Variants in TRIP12 observed in about 807,000 individuals in gnomAD.
The protein encoded by TRIP12 is thyroid hormone receptor interactor 12.
Under a neutral mutation model 244.2 loss-of-function variants are expected in TRIP12, and 25 were observed. The observed-to-expected ratio is 0.10, with a 90% CI of 0.07 to 0.14. TRIP12 has a LOEUF of 0.14. Ranked by LOEUF, TRIP12 falls within the 10% of genes least tolerant of loss-of-function variation. The pLI is 1.00. For missense variants in TRIP12, 1,677 were observed against 2,486.4 expected (o/e 0.67, Z 6.92); for synonymous variants, 905 against 873.1 (o/e 1.04, Z -0.64).
chr2:229,799,924 A>G (rs1210553113), intron 21 of TRIP12, among the ~76,000 whole-genome samples: 1 of 152,238 alleles, frequency 6.6e-6, no homozygotes, highest in Non-Finnish European at 1.5e-5. Flanking sequence ...GAACTATGAA[A>G]CATAAAGCCA....
intron 39 of TRIP12, 48 bp from the exon 40 acceptor site, chr2:229,769,373 TTACGTGA>T: frequency 6.3e-7 from 1 of 1,579,834 alleles, no homozygotes; most frequent in Non-Finnish European, 8.7e-7. Context: ...AAACATTTGT[TTACGTGA>T]GTGAAAATAA....
At chr2:229,852,381 C>G (rs1430087901) in intron 4 of TRIP12, among the ~76,000 whole-genome samples, 1 of 151,790 alleles carries the variant, frequency 6.6e-6, no homozygotes, top group African/African-American at 2.4e-5. Context: ...TTTAAATTAG[C>G]TTTTATAAGA....
chr2:229,921,829 GC>G (rs1379969548), intron 1 of TRIP12, 50 bp downstream of exon 1: 2 of 41,600 alleles, frequency 4.8e-5, no homozygotes, highest in Non-Finnish European at 9.9e-5. Flanking sequence ...CCCTCAGCTG[GC>G]CCCCTCCCCC....
chr2:229,773,913 A>C, intron 38 of TRIP12, 184 bp downstream of exon 38: 1 of 495,956 alleles, frequency 2.0e-6, no homozygotes, highest in Non-Finnish European at 3.5e-6. Flanking sequence ...ATAAGACAGG[A>C]AATATCTGAT....
At chr2:229,780,607 G>A (rs1284827662) in intron 34 of TRIP12, among the ~76,000 whole-genome samples, 2 of 151,968 alleles carry the variant, frequency 1.3e-5, no homozygotes, top group African/African-American at 4.8e-5. Context: ...CTCTATGCTC[G>A]AGCCACACTC....
intron 8 of TRIP12, among the ~76,000 whole-genome samples, chr2:229,822,265 C>T (rs1050823108): frequency 6.6e-6 from 1 of 152,182 alleles, no homozygotes; most frequent in Non-Finnish European, 1.5e-5. Flanking sequence ...AGAGAGTAGG[C>T]GTCAAAGACA....
At chr2:229,796,440 A>G (rs1314848293) in intron 25 of TRIP12, 151 bp downstream of exon 25, 1 of 523,904 alleles carries the variant, frequency 1.9e-6, no homozygotes, top group Non-Finnish European at 3.2e-6. Context: ...TTTGATATAC[A>G]GAAGTTGAAG....
At chr2:229,796,870 A>G in intron 24 of TRIP12, 88 bp from the exon 25 acceptor site, 1 of 1,249,216 alleles carries the variant, frequency 8.0e-7, no homozygotes, top group Non-Finnish European at 1.1e-6. Flanking sequence ...GGAAATGAAT[A>G]TATTCTCAAC....
At chr2:229,846,015 A>C (rs1479849343) in intron 4 of TRIP12, among the ~76,000 whole-genome samples, 1 of 13,348 alleles carries the variant, frequency 7.5e-5, no homozygotes. Context: ...TCTTTTTTTC[A>C]AAAAAAAAAA....
chr2:229,921,669 G>A (rs2076604631), intron 1 of TRIP12: 1 of 151,714 alleles, frequency 6.6e-6, no homozygotes, highest in African/African-American at 2.4e-5. Context: ...CCGCCCTCGA[G>A]CGTCTCTCCC....
At chr2:229,844,721 A>G (rs2057224509) in intron 4 of TRIP12, among the ~76,000 whole-genome samples, 1 of 140,614 alleles carries the variant, frequency 7.1e-6, no homozygotes, top group Non-Finnish European at 1.6e-5. Flanking sequence ...AGGTGAGGGA[A>G]GTGGATTTAA....
chr2:229,802,369 C>A lies in TRIP12; in HGVS notation c.3089G>T (p.Gly1030Val), dbSNP rs370254099. The A allele has an allele frequency of 5.0e-6, 8 of 1,613,780 alleles. No homozygotes were observed. Among genetic ancestry groups the A allele is most frequent in the Non-Finnish European group, 6.8e-6 (8 of 1,179,946 alleles). ...KACTNGSGSM[G>V]STTSVSSGTA... ...CCCACTGCTGACTGAAGTTGTGGAT[C>A]CCATGGATCCCGATCCATTCGTACA... The change falls in exon 21 of 42, where the codon GGA becomes GTA. Residue 1030 changes from glycine to valine, a missense_variant. This residue lies in a region of TRIP12 where 572 missense variants were observed against 867.8 expected (regional missense o/e 0.66). Coordinates refer to ENST00000675903, the MANE Select transcript of TRIP12 (RefSeq NM_001348323.3).
Position 229,766,629 on chromosome 2 carries a change from G to A in TRIP12, c.*925C>T, listed in dbSNP as rs1229304756. On this transcript the variant is annotated 3_prime_UTR_variant, in exon 42 of 42. Transcript: ENST00000675903. ...AAAAAAATTTTTTTACTCCAACAGG[G>A]AAGGAAAACTGCTTATTTTGTTTAA... 1 of 152,106 alleles carries A rather than the reference G, an allele frequency of 6.6e-6. No homozygotes were observed. The highest frequency in any genetic ancestry group is 2.4e-5 in the African/African-American group (1 of 41,420). The allele number at this position is 152,106 out of a possible 1,614,324, so 9.4% of individuals were successfully genotyped here.
At chr2:229,892,305 C>G (rs2067553678) in intron 1 of TRIP12, among the ~76,000 whole-genome samples, 1 of 152,028 alleles carries the variant, frequency 6.6e-6, no homozygotes, top group East Asian at 1.9e-4. Context: ...AAGAAAGAAG[C>G]AGGGGGAAGG....
intron 1 of TRIP12, among the ~76,000 whole-genome samples, chr2:229,898,610 G>A (rs1370019301): frequency 6.6e-6 from 1 of 151,868 alleles, no homozygotes; most frequent in Non-Finnish European, 1.5e-5. Flanking sequence ...ACTATATACA[G>A]TAATAAAAAA....
chr2:229,799,218 A>G, intron 22 of TRIP12, 65 bp downstream of exon 22: 1 of 1,574,850 alleles, frequency 6.3e-7, no homozygotes, highest in Non-Finnish European at 8.7e-7. Context: ...GTTTTAATAA[A>G]GTACATTTCT....
At chr2:229,777,629 T>A in intron 36 of TRIP12, 150 bp from the exon 37 acceptor site, 1 of 763,512 alleles carries the variant, frequency 1.3e-6, no homozygotes, top group Non-Finnish European at 2.1e-6. Flanking sequence ...TTTCTCCCAC[T>A]ACACAAAATT....
intron 2 of TRIP12, among the ~76,000 whole-genome samples, chr2:229,862,240 T>C (rs1396980912): frequency 6.6e-6 from 1 of 152,238 alleles, no homozygotes; most frequent in Non-Finnish European, 1.5e-5. Flanking sequence ...AATTTTGCTT[T>C]AACCAATGAG....
chr2:229,775,758 G>A (rs1004332628), intron 37 of TRIP12, among the ~76,000 whole-genome samples: 1 of 151,574 alleles, frequency 6.6e-6, no homozygotes, highest in African/African-American at 2.4e-5. Flanking sequence ...AGTAGAATCT[G>A]AGCCAGGACA....
Sources: gnomAD v4.1 joint callset for allele counts (sites outside exome capture counted in the v4.1 genomes callset) on GRCh38, gnomAD v4.1.1 for gene constraint, gnomAD v4.1.1 regional missense constraint, MANE v1.5 for transcripts, NCBI Gene and HGNC (gene_info 2026-07-23, HGNC 2026-07-21) for gene names.